SLC4A5: variants seen among roughly 807,000 people sequenced by gnomAD.
SLC4A5 encodes the protein solute carrier family 4 member 5.
SLC4A5 carries 96 observed loss-of-function variants against 120.4 expected under a neutral mutation model. That is an observed-to-expected ratio of 0.80 (90% CI 0.68 to 0.94). The LOEUF (loss-of-function observed/expected upper bound fraction) is 0.94, where lower values mean the gene tolerates loss of function less well. Among genes scored for constraint, SLC4A5 ranks in the 40% least tolerant of loss-of-function variants. The pLI is 0.00. For missense variants in SLC4A5, 1,259 were observed against 1,459.5 expected (o/e 0.86, Z 2.24); for synonymous variants, 550 against 571.1 (o/e 0.96, Z 0.53).
intron 28 of SLC4A5, among the ~76,000 whole-genome samples, chr2:74,224,087 T>A (rs978135380): frequency 7.2e-5 from 11 of 152,210 alleles, no homozygotes; most frequent in African/African-American, 2.2e-4. Context: ...TGTAGCTACA[T>A]GTCCATTTTG....
intron 9 of SLC4A5, 61 bp from the exon 10 acceptor site, chr2:74,264,360 T>C: frequency 2.0e-6 from 3 of 1,533,510 alleles, no homozygotes; most frequent in Non-Finnish European, 1.8e-6. Context: ...GGTATGGAAG[T>C]CTTCAGTTTC....
chr2:74,258,276 G>A (rs1573035268), intron 12 of SLC4A5, among the ~76,000 whole-genome samples: 1 of 152,234 alleles, frequency 6.6e-6, no homozygotes, highest in Non-Finnish European at 1.5e-5. Flanking sequence ...GCACCCAATA[G>A]CAGAGACCAC....
At chr2:74,259,282 T>C (rs1461500714) in intron 12 of SLC4A5, among the ~76,000 whole-genome samples, 1 of 152,160 alleles carries the variant, frequency 6.6e-6, no homozygotes, top group African/African-American at 2.4e-5. Context: ...GATGAAGCCA[T>C]GTGTGCTGGT....
chr2:74,306,512 C>T (rs10173287), intron 6 of SLC4A5, among the ~76,000 whole-genome samples: 32,995 of 152,104 alleles, frequency 0.22, 5,255 homozygotes, highest in East Asian at 0.47. Flanking sequence ...CTTTGACTGC[C>T]GAGCCACTTT....
At position 74,255,743 on chromosome 2, in the gene SLC4A5, G is replaced by C; in HGVS notation, c.1025+32C>G. The C allele has an allele frequency of 6.2e-7, 1 of 1,611,404 alleles. No homozygotes were observed. The highest frequency in any genetic ancestry group is 8.5e-7 in the Non-Finnish European group (1 of 1,177,898). The stretch of plus-strand genomic sequence containing the variant: ...TGCACTGCTGACTGGCTACCTGAGA[G>C]TGGCGTGGGGACAGGTTTCAATGGC... On this transcript the variant is annotated intron_variant, in intron 13 of 30. Transcript: ENST00000394019. The surrounding 1 kb of genome is among the most constrained non-coding windows in gnomAD (Gnocchi z 4.0).
chr2:74,250,579 A>G lies in SLC4A5; in HGVS notation c.1479-62T>C. The G allele has an allele frequency of 1.9e-6, 3 of 1,587,394 alleles. No individual in the cohort carries two copies. In the African/African-American group the frequency reaches 4.1e-5, roughly 21 times the overall value. On this transcript the variant is annotated intron_variant, in intron 16 of 30. Coordinates refer to ENST00000394019, the Ensembl canonical transcript of SLC4A5. Reference sequence around the variant, plus strand: ...CTAACACCAGTGCAGGGGCAGGGCTATTTACAAGAACTTGCAGAGTCTGGG... The same window carrying G: ...CTAACACCAGTGCAGGGGCAGGGCTGTTTACAAGAACTTGCAGAGTCTGGG...
chr2:74,309,951 C>T (rs187640377), intron 6 of SLC4A5, among the ~76,000 whole-genome samples: 9 of 152,098 alleles, frequency 5.9e-5, no homozygotes, highest in South Asian at 2.1e-4. Context: ...CATGAGCCAC[C>T]GTGCCTGGCC....
intron 2 of SLC4A5, chr2:74,339,495 T>C (rs903584480): frequency 2.6e-5 from 4 of 152,244 alleles, no homozygotes; most frequent in African/African-American, 4.8e-5. Context: ...GCTGTCATCA[T>C]GCCTGTGTAG....
intron 22 of SLC4A5, among the ~76,000 whole-genome samples, chr2:74,234,107 G>A (rs1252458412): frequency 6.6e-6 from 1 of 150,736 alleles, no homozygotes. Flanking sequence ...AGACAGGGAG[G>A]GTAAGTTCTA....
chr2:74,302,360 T>C (rs1464787443), intron 7 of SLC4A5, among the ~76,000 whole-genome samples: 1 of 152,230 alleles, frequency 6.6e-6, no homozygotes, highest in Non-Finnish European at 1.5e-5. Context: ...CTCATGCCTG[T>C]AATCCCAGCA....
chr2:74,230,355 C>T (rs754344494), intron 25 of SLC4A5, among the ~76,000 whole-genome samples: 9 of 152,066 alleles, frequency 5.9e-5, no homozygotes, highest in South Asian at 2.1e-4. Flanking sequence ...TTGTGGGGGA[C>T]GCCTGCCTCC....
intron 30 of SLC4A5, among the ~76,000 whole-genome samples, chr2:74,219,608 C>T (rs914072269): frequency 2.6e-5 from 4 of 152,154 alleles, no homozygotes; most frequent in South Asian, 2.1e-4. Context: ...AAAGTTTCTT[C>T]ATTTCTGACC....
At chr2:74,287,981 C>T (rs977858473) in intron 7 of SLC4A5, among the ~76,000 whole-genome samples, 5 of 152,238 alleles carry the variant, frequency 3.3e-5, no homozygotes, top group African/African-American at 1.2e-4. Flanking sequence ...CTCCTCCTTG[C>T]CCAATCAGTT....
intron 8 of SLC4A5, among the ~76,000 whole-genome samples, chr2:74,285,131 G>C (rs1671940699): frequency 6.6e-6 from 1 of 152,184 alleles, no homozygotes; most frequent in African/African-American, 2.4e-5. Context: ...TGAAGTACCA[G>C]CTACTTGGGA....
intron 27 of SLC4A5, 47 bp downstream of exon 27, chr2:74,226,910 C>T: frequency 6.3e-7 from 1 of 1,592,922 alleles, no homozygotes; most frequent in African/African-American, 1.3e-5. Context: ...TCTGGGTTGC[C>T]CAGGCCAACC....
intron 11 of SLC4A5, 117 bp from the exon 12 acceptor site, chr2:74,259,760 C>G (rs1336502496): frequency 2.4e-5 from 22 of 927,112 alleles, no homozygotes; most frequent in South Asian, 2.3e-4. Flanking sequence ...ACTCCCTCCC[C>G]CTTAATCCTG....
At chr2:74,260,165 C>T (rs144708206) in intron 11 of SLC4A5, among the ~76,000 whole-genome samples, 1 of 152,164 alleles carries the variant, frequency 6.6e-6, no homozygotes, top group African/African-American at 2.4e-5. Flanking sequence ...TTTGAACTGC[C>T]CAATAGTTCC....
intron 6 of SLC4A5, chr2:74,307,056 C>T (rs17038426): frequency 0.014 from 7,973 of 567,136 alleles, 514 homozygotes; most frequent in African/African-American, 0.13. Flanking sequence ...CAGGCTGTTT[C>T]CCAAGCTGAC....
intron 19 of SLC4A5, among the ~76,000 whole-genome samples, chr2:74,242,838 G>A (rs1160375430): frequency 6.6e-6 from 1 of 152,120 alleles, no homozygotes; most frequent in African/African-American, 2.4e-5. Flanking sequence ...ATTTTTAGTA[G>A]AGATAAGGTT....
Sources: gnomAD v4.1 joint callset for allele counts (sites outside exome capture counted in the v4.1 genomes callset) on GRCh38, gnomAD v4.1.1 for gene constraint, Gnocchi (gnomAD v3.1) non-coding constraint, MANE v1.5 for transcripts, NCBI Gene and HGNC (gene_info 2026-07-23, HGNC 2026-07-21) for gene names.